SNX29: variants seen among roughly 807,000 people sequenced by gnomAD.
SNX29 encodes sorting nexin-29.
Under a neutral mutation model 102.1 loss-of-function variants are expected in SNX29, and 78 were observed. That is an observed-to-expected ratio of 0.76 (90% confidence interval 0.64 to 0.92). The LOEUF is 0.92. Among genes scored for constraint, SNX29 ranks in the 40% least tolerant of loss-of-function variants. The pLI is 0.00. For missense variants in SNX29, 1,280 were observed against 1,061.7 expected (o/e 1.21, Z -2.86); for synonymous variants, 580 against 414.5 (o/e 1.40, Z -4.85).
At chr16:12,567,625 G>C (rs1420751432) in intron 20 of SNX29, among the ~76,000 whole-genome samples, 1 of 152,054 alleles carries the variant, frequency 6.6e-6, no homozygotes, top group Non-Finnish European at 1.5e-5. Context: ...ACTCAGGTAT[G>C]GTGGCTAGTA....
intron 14 of SNX29, among the ~76,000 whole-genome samples, chr16:12,224,368 C>T (rs557493041): frequency 2.6e-5 from 4 of 152,226 alleles, no homozygotes; most frequent in South Asian, 2.1e-4. Flanking sequence ...GGCCAGGCCC[C>T]GGTGGATGCC....
At chr16:12,375,716 G>GTGT (rs1399337510) in intron 16 of SNX29, 2 of 152,208 alleles carry the variant, frequency 1.3e-5, no homozygotes, top group Non-Finnish European at 2.9e-5. Context: ...GGGAATCAGG[G>GTGT]TGTTTTGTAG....
chr16:12,437,796 T>C (rs2085604248), intron 18 of SNX29, among the ~76,000 whole-genome samples: 1 of 152,190 alleles, frequency 6.6e-6, no homozygotes, highest in Non-Finnish European at 1.5e-5. Flanking sequence ...TTAATGTCTT[T>C]TTCGGCTGCA....
At chr16:12,214,096 A>G (rs1237655313) in intron 14 of SNX29, among the ~76,000 whole-genome samples, 3 of 151,876 alleles carry the variant, frequency 2.0e-5, no homozygotes, top group Admixed American at 2.0e-4. Flanking sequence ...GACCTCCATT[A>G]AGGGGTAACG....
chr16:12,131,357 C>A (rs1455502806), intron 13 of SNX29, among the ~76,000 whole-genome samples: 1 of 152,242 alleles, frequency 6.6e-6, no homozygotes, highest in African/African-American at 2.4e-5. Context: ...TCCCAACTTA[C>A]ATGCATCTTT....
At chr16:12,295,028 C>G (rs1170702099) in intron 15 of SNX29, among the ~76,000 whole-genome samples, 1 of 152,162 alleles carries the variant, frequency 6.6e-6, no homozygotes, top group Non-Finnish European at 1.5e-5. Context: ...AGGGATTTCT[C>G]CCTATAAAAC....
chr16:12,069,034 C>A (rs1299977321), intron 9 of SNX29, 23 bp from the exon 10 acceptor site: 1 of 1,610,954 alleles, frequency 6.2e-7, no homozygotes, highest in Non-Finnish European at 8.5e-7. Context: ...TGACCTCTTT[C>A]TGTGATTGCT....
chr16:12,271,750 G>A (rs774776850), intron 14 of SNX29, among the ~76,000 whole-genome samples: 9 of 151,972 alleles, frequency 5.9e-5, no homozygotes, highest in African/African-American at 1.7e-4. Flanking sequence ...AGCCTCCTGA[G>A]TAGCTGGGAT....
At chr16:12,441,072 G>C (rs1273831209) in intron 18 of SNX29, among the ~76,000 whole-genome samples, 1 of 148,182 alleles carries the variant, frequency 6.7e-6, no homozygotes, top group African/African-American at 2.5e-5. Context: ...GTTGTAGCAT[G>C]CATCGCTACT....
At chr16:12,361,105 A>C (rs2082287438) in intron 16 of SNX29, among the ~76,000 whole-genome samples, 1 of 152,184 alleles carries the variant, frequency 6.6e-6, no homozygotes, top group Non-Finnish European at 1.5e-5. Context: ...GCAGCATCTA[A>C]TCTACCTCCT....
rs577085257 is a variant in SNX29 at position 12,567,270 on chromosome 16, A to G, written c.2319-1236A>G. Among the ~76,000 whole-genome samples the G allele has an allele frequency of 6.4e-4, 97 of 150,934 alleles. 1 individual carries two copies. Among genetic ancestry groups the G allele is most frequent in the African/African-American group, 2.3e-3 (91 of 40,242 alleles). ...AGTCCTGTCTTCCCTTGTAGGGTCCAGTGGATCCAGGACTTACATCCAGCA... is the reference window on the plus strand; with the variant it reads ...AGTCCTGTCTTCCCTTGTAGGGTCCGGTGGATCCAGGACTTACATCCAGCA... On this transcript the variant is annotated intron_variant, in intron 20 of 20. Transcript: ENST00000566228.
chr16:12,518,429 C>G (rs1355784068), intron 19 of SNX29, among the ~76,000 whole-genome samples: 1 of 152,200 alleles, frequency 6.6e-6, no homozygotes, highest in Non-Finnish European at 1.5e-5. Context: ...GCTGTTCTTT[C>G]CACTTGGCAT....
At chr16:12,507,836 C>A (rs2089445864) in intron 19 of SNX29, among the ~76,000 whole-genome samples, 1 of 152,300 alleles carries the variant, frequency 6.6e-6, no homozygotes, top group African/African-American at 2.4e-5. Flanking sequence ...ACAGGTGGCG[C>A]TTCTGTGCTC....
At chr16:12,213,390 T>G (rs916272492) in intron 14 of SNX29, among the ~76,000 whole-genome samples, 1 of 152,096 alleles carries the variant, frequency 6.6e-6, no homozygotes, top group African/African-American at 2.4e-5. Context: ...GTTGTTTGAG[T>G]GACAGGTACA....
At chr16:12,366,872 T>G (rs1172431782) in intron 16 of SNX29, 1 of 150,880 alleles carries the variant, frequency 6.6e-6, no homozygotes, top group African/African-American at 2.4e-5. Flanking sequence ...CCTCTGTCTG[T>G]CTCTTCCCCC....
chr16:12,115,074 C>T (rs1052197746), intron 11 of SNX29, among the ~76,000 whole-genome samples: 1 of 152,130 alleles, frequency 6.6e-6, no homozygotes, highest in African/African-American at 2.4e-5. Context: ...ATAAGGGACT[C>T]GCTGGTTCCT....
intron 18 of SNX29, among the ~76,000 whole-genome samples, chr16:12,410,187 G>C (rs1206249117): frequency 6.6e-6 from 1 of 152,014 alleles, no homozygotes; most frequent in Non-Finnish European, 1.5e-5. Context: ...GTAGAGACAG[G>C]GTTTCGCTGT....
intron 3 of SNX29, among the ~76,000 whole-genome samples, chr16:12,025,330 T>C (rs1246188419): frequency 1.5e-5 from 2 of 135,386 alleles, no homozygotes; most frequent in African/African-American, 5.9e-5. Flanking sequence ...AAAAAGTGCC[T>C]GTGTGTACAG....
chr16:12,273,989 G>A (rs1311981398), intron 14 of SNX29, among the ~76,000 whole-genome samples: 1 of 152,214 alleles, frequency 6.6e-6, no homozygotes, highest in Non-Finnish European at 1.5e-5. Context: ...CCAGGTGATG[G>A]CCATTTGGGT....
Sources: gnomAD v4.1 joint callset for allele counts (sites outside exome capture counted in the v4.1 genomes callset) on GRCh38, gnomAD v4.1.1 for gene constraint, MANE v1.5 for transcripts, NCBI Gene and HGNC (gene_info 2026-07-23, HGNC 2026-07-21) for gene names.